The following KLHL28 variants were observed in gnomAD, a reference collection of about 807,000 sequenced individuals.
The protein encoded by KLHL28 is kelch-like protein 28.
A neutral mutation model predicts 48.3 loss-of-function variants in KLHL28; 22 were observed. That is an observed-to-expected ratio of 0.46 (90% CI 0.33 to 0.65). The LOEUF (loss-of-function observed/expected upper bound fraction) is 0.65, where lower values mean the gene tolerates loss of function less well. Among genes scored for constraint, KLHL28 ranks in the 30% least tolerant of loss-of-function variants. The probability of loss-of-function intolerance (pLI) is 0.03; values close to 1 mark genes in which losing one functional copy is unlikely to be tolerated. For missense variants in KLHL28, 527 were observed against 704.3 expected (o/e 0.75, Z 2.85); for synonymous variants, 243 against 242.4 (o/e 1.00, Z -0.02).
rs773072288 is a variant in KLHL28 at position 44,945,762 on chromosome 14, A to G, written c.167T>C (p.Val56Ala). The G allele has an allele frequency of 3.7e-6, 6 of 1,614,038 alleles. No individual in the cohort carries two copies. The highest frequency in any genetic ancestry group is 5.1e-6 in the Non-Finnish European group (6 of 1,180,048). ...GAACATAGCTTTGAAATACGGGCTG[A>G]CGCTGGCAAGTACCACTTTGTGAGC... ...IHAHKVVLAS[V>A]SPYFKAMFTG... Residue 56 changes from valine (V) to alanine (A), a missense_variant, in exon 2 of 5, where the codon GTC (valine) becomes GCC (alanine). Coordinates refer to ENST00000396128, the MANE Select transcript of KLHL28 (RefSeq NM_017658.5).
In KLHL28 at chr14:44,945,465, G is replaced by A. The variant is rs756990835; in HGVS notation, c.464C>T (p.Ala155Val). 6.2e-7 allele frequency: 1 copy of A among 1,614,184 alleles called. No homozygotes were observed. The highest frequency in any genetic ancestry group is 8.5e-7 in the Non-Finnish European group (1 of 1,180,020). The change falls in exon 2 of 5, where the codon GCA becomes GTA. Residue 155 changes from alanine to valine, a missense_variant. Coordinates refer to ENST00000396128, the MANE Select transcript of KLHL28 (RefSeq NM_017658.5). The part of the protein sequence containing the change: ...ETYGCRDLYL[A>V]ATKYICQNFE... ...ATTCTGGCATATGTATTTAGTGGCT[G>A]CCAAATAAAGGTCACGGCAACCATA...
At chr14:44,949,915 A>C (rs1018891919) in intron 1 of KLHL28, among the ~76,000 whole-genome samples, 14 of 152,262 alleles carry the variant, frequency 9.2e-5, no homozygotes, top group South Asian at 2.1e-4. Context: ...TTTGCTCTGC[A>C]AATGTCAGTC....
chr14:44,960,542 C>T (rs1337154334), intron 1 of KLHL28, among the ~76,000 whole-genome samples: 2 of 152,288 alleles, frequency 1.3e-5, no homozygotes, highest in East Asian at 3.9e-4. Context: ...TTTTCACCTC[C>T]CTGTCTTTAA....
chr14:44,947,200 G>A (rs1884375401), intron 1 of KLHL28, among the ~76,000 whole-genome samples: 1 of 152,346 alleles, frequency 6.6e-6, no homozygotes, highest in Admixed American at 6.5e-5. Flanking sequence ...ACAGACAGAA[G>A]AGGAGGTCAT....
Position 44,928,792 on chromosome 14 carries a change from CAA to C in KLHL28, c.*234_*235del. ...GGGAAAAAGTGCAGAATTCAATTGGCAAAGTCTTTACTTTTTTTTTTTCTCTT... is the reference window on the plus strand; with the variant it reads ...GGGAAAAAGTGCAGAATTCAATTGGCAGTCTTTACTTTTTTTTTTTCTCTT... On this transcript the variant is annotated 3_prime_UTR_variant, in exon 5 of 5. Transcript: ENST00000396128. The C allele has an allele frequency of 3.1e-6, 1 of 327,224 alleles. No individual in the cohort carries two copies. The highest frequency in any genetic ancestry group is 5.5e-6 in the Non-Finnish European group (1 of 180,692). 20.3% of individuals were successfully genotyped at this position (327,224 alleles called of 1,614,324 possible). A position where few individuals can be genotyped will look rare whatever the true frequency, so the allele number is the denominator to read the frequency against.
intron 1 of KLHL28, among the ~76,000 whole-genome samples, chr14:44,954,074 C>T (rs1035774234): frequency 1.3e-5 from 2 of 152,132 alleles, no homozygotes; most frequent in Non-Finnish European, 2.9e-5. Context: ...AATTGCTCAA[C>T]TTCACTTAAA....
intron 1 of KLHL28, among the ~76,000 whole-genome samples, chr14:44,947,068 T>C (rs1031627545): frequency 1.2e-4 from 18 of 152,124 alleles, no homozygotes; most frequent in Non-Finnish European, 7.4e-5. Context: ...TTACTTTATA[T>C]GGCAAAAAGG....
chr14:44,941,568 C>T (rs922655037), intron 2 of KLHL28, among the ~76,000 whole-genome samples: 4 of 146,214 alleles, frequency 2.7e-5, no homozygotes, highest in African/African-American at 5.1e-5. Context: ...GCGGAGATTG[C>T]GGTGAGCCGA....
rs894261280 is a variant in KLHL28, at chr14:44,945,253, A to G, written c.676T>C (p.Leu226=). ...AGAAACTTAACACTCAACAATGGTA[A>G]TCGTACACTGTTTAGTAACTGTGCT... ...YLAQLLNSVR[L]PLLSVKFLTR... The change falls in exon 2 of 5, where the codon TTA becomes CTA. Residue 226 remains leucine, a synonymous_variant. Transcript: ENST00000396128. 1 of 1,614,074 alleles carries G rather than the reference A, an allele frequency of 6.2e-7. No individual in the cohort carries two copies. Among genetic ancestry groups the G allele is most frequent in the Non-Finnish European group, 8.5e-7 (1 of 1,179,936 alleles).
At chr14:44,954,303 CA>C (rs772909270) in intron 1 of KLHL28, among the ~76,000 whole-genome samples, 6 of 152,114 alleles carry the variant, frequency 3.9e-5, no homozygotes, top group African/African-American at 1.4e-4. Flanking sequence ...ATTACACTGG[CA>C]AAAATGTATA....
chr14:44,939,570 A>C (rs1277570970), intron 2 of KLHL28, among the ~76,000 whole-genome samples: 1 of 152,180 alleles, frequency 6.6e-6, no homozygotes, highest in Non-Finnish European at 1.5e-5. Flanking sequence ...CATCGCTCTG[A>C]AGTTCTGCAT....
At chr14:44,961,010 A>G in intron 1 of KLHL28, 1 of 801,516 alleles carries the variant, frequency 1.2e-6, no homozygotes, top group Non-Finnish European at 2.1e-6. Flanking sequence ...AAAAAAAAAA[A>G]ATATCTCTTC....
intron 1 of KLHL28, among the ~76,000 whole-genome samples, chr14:44,951,531 T>C (rs1884579613): frequency 1.3e-5 from 2 of 152,242 alleles, no homozygotes; most frequent in African/African-American, 4.8e-5. Flanking sequence ...AAGTAAGACA[T>C]TCTATTCATT....
chr14:44,938,676 A>C (rs1883940372), intron 2 of KLHL28, among the ~76,000 whole-genome samples: 3 of 152,092 alleles, frequency 2.0e-5, no homozygotes, highest in Admixed American at 6.5e-5. Context: ...GGCCGAAAAC[A>C]TTAAGTCTTA....
intron 1 of KLHL28, among the ~76,000 whole-genome samples, chr14:44,956,770 T>C (rs974201334): frequency 1.3e-5 from 2 of 152,220 alleles, no homozygotes; most frequent in Non-Finnish European, 2.9e-5. Flanking sequence ...GGATTATTAA[T>C]ATATTAATTA....
rs1316312032 is a variant in KLHL28, at chr14:44,927,156, T to A, written c.*1872A>T. The stretch of plus-strand genomic sequence containing the variant: ...GTTCTAAATTAGAAGAGACTAAAAA[T>A]CACTTGCAAGGTTTTATAATCTGTG... On this transcript the variant is annotated 3_prime_UTR_variant, in exon 5 of 5. Transcript: ENST00000396128. The A allele has an allele frequency of 6.6e-6, 1 of 152,632 alleles. No homozygotes were observed. Among genetic ancestry groups the A allele is most frequent in the African/African-American group, 2.4e-5 (1 of 41,464 alleles). The allele number at this position is 152,632 out of a possible 1,614,324, so 9.5% of individuals were successfully genotyped here. A position where few individuals can be genotyped will look rare whatever the true frequency, so the allele number is the denominator to read the frequency against.
chr14:44,937,452 T>C (rs1883874022), intron 2 of KLHL28, among the ~76,000 whole-genome samples: 1 of 152,116 alleles, frequency 6.6e-6, no homozygotes, highest in Non-Finnish European at 1.5e-5. Flanking sequence ...CGGCCCAGAA[T>C]TGAATTGTTA....
chr14:44,936,778 C>T (rs148018330), intron 2 of KLHL28, among the ~76,000 whole-genome samples: 103 of 152,132 alleles, frequency 6.8e-4, no homozygotes, highest in Non-Finnish European at 7.9e-4. Flanking sequence ...GGGGCCATGG[C>T]GTATTTAAAG....
chr14:44,954,160 G>A (rs924793011), intron 1 of KLHL28, among the ~76,000 whole-genome samples: 1 of 152,102 alleles, frequency 6.6e-6, no homozygotes, highest in African/African-American at 2.4e-5. Context: ...TGAGAAACAG[G>A]AAATCTCACT....
Sources: allele counts gnomAD v4.1 joint callset (sites outside exome capture counted in the v4.1 genomes callset), GRCh38; gene constraint gnomAD v4.1.1; transcripts MANE v1.5; gene names NCBI Gene and HGNC (gene_info 2026-07-23, HGNC 2026-07-21).